The following ABHD12 variants were observed in gnomAD, a reference collection of about 807,000 sequenced individuals.
ABHD12 encodes lysophosphatidylserine lipase ABHD12.
Under a neutral mutation model 58.3 loss-of-function variants are expected in ABHD12, and 43 were observed. The ratio of observed to expected loss-of-function variants is 0.74; its 90% CI spans 0.58 to 0.95. The LOEUF is 0.95. Among genes scored for constraint, ABHD12 ranks in the 40% least tolerant of loss-of-function variants. The probability of loss-of-function intolerance (pLI) is 0.00; values close to 1 mark genes in which losing one functional copy is unlikely to be tolerated. For synonymous variants in ABHD12, 219 were observed against 211.2 expected (o/e 1.04, Z -0.32); for missense variants, 539 against 537.2 (o/e 1.00, Z -0.03).
chr20:25,322,377 A>ATTTTTTTTT (rs1483645613), intron 3 of ABHD12, among the ~76,000 whole-genome samples: 27 of 42,272 alleles, frequency 6.4e-4, no homozygotes, highest in African/African-American at 2.9e-3. Flanking sequence ...ATATATATAT[A>ATTTTTTTTT]TATATTTTTT....
chr20:25,323,316 G>A lies in ABHD12; in HGVS notation c.422+9C>T. The A allele has an allele frequency of 2.5e-6, 4 of 1,590,614 alleles. No homozygotes were observed. The highest frequency in any genetic ancestry group is 3.5e-6 in the Non-Finnish European group (4 of 1,158,634). On this transcript the variant is annotated intron_variant, in intron 3 of 12. Coordinates refer to ENST00000339157, the MANE Select transcript of ABHD12 (RefSeq NM_001042472.3). ...TGCTGGAGGGGCTGCAGAGCTCACT[G>A]GCACTCACCAGACTCCAATGGTCAC...
intron 1 of ABHD12, among the ~76,000 whole-genome samples, chr20:25,379,152 C>A (rs1777619586): frequency 6.6e-6 from 1 of 152,152 alleles, no homozygotes; most frequent in African/African-American, 2.4e-5. Flanking sequence ...TGCAGGGACC[C>A]CGTGCAGGCT....
intron 2 of ABHD12, among the ~76,000 whole-genome samples, chr20:25,337,591 C>T (rs1272278926): frequency 6.6e-6 from 1 of 152,246 alleles, no homozygotes; most frequent in Non-Finnish European, 1.5e-5. Context: ...TACCAGGCCA[C>T]GCAGGGCAAT....
intron 5 of ABHD12, among the ~76,000 whole-genome samples, 178 bp from the exon 6 acceptor site, chr20:25,315,148 A>G (rs1568721751): frequency 6.6e-6 from 1 of 152,318 alleles, no homozygotes; most frequent in Non-Finnish European, 1.5e-5. Context: ...CCAAGATGCC[A>G]ACTGCCACTG....
chr20:25,312,915 C>G (rs1600779154), intron 6 of ABHD12, among the ~76,000 whole-genome samples: 1 of 151,306 alleles, frequency 6.6e-6, no homozygotes, highest in Non-Finnish European at 1.5e-5. Flanking sequence ...GCAGCCGCCC[C>G]ATCTGGGAAG....
At chr20:25,358,746 TC>T (rs1299075405) in intron 1 of ABHD12, among the ~76,000 whole-genome samples, 1 of 152,092 alleles carries the variant, frequency 6.6e-6, no homozygotes, top group Non-Finnish European at 1.5e-5. Flanking sequence ...CTTGTCCATA[TC>T]GGCCACCCCC....
intron 1 of ABHD12, among the ~76,000 whole-genome samples, chr20:25,345,567 A>G (rs1270657458): frequency 6.6e-6 from 1 of 152,248 alleles, no homozygotes; most frequent in Non-Finnish European, 1.5e-5. Flanking sequence ...AGACAGTTAT[A>G]CAAAATATAC....
intron 4 of ABHD12, 91 bp downstream of exon 4, chr20:25,320,108 C>G (rs2089037925): frequency 6.3e-7 from 1 of 1,578,070 alleles, no homozygotes; most frequent in African/African-American, 1.3e-5. Flanking sequence ...GCAGGTTGCT[C>G]CTGCTGGTTT....
At chr20:25,304,301 C>T (rs1159449809) in intron 10 of ABHD12, among the ~76,000 whole-genome samples, 1 of 152,272 alleles carries the variant, frequency 6.6e-6, no homozygotes, top group African/African-American at 2.4e-5. Context: ...AGGAGGCACA[C>T]ACTCTTGCTT....
At chr20:25,354,605 T>A (rs1044395143) in intron 1 of ABHD12, among the ~76,000 whole-genome samples, 1 of 152,188 alleles carries the variant, frequency 6.6e-6, no homozygotes, top group Non-Finnish European at 1.5e-5. Flanking sequence ...TCTTTCCTGA[T>A]GGCCATGATG....
chr20:25,346,929 C>T (rs866181757), intron 1 of ABHD12, among the ~76,000 whole-genome samples: 10 of 152,116 alleles, frequency 6.6e-5, no homozygotes, highest in African/African-American at 1.4e-4. Flanking sequence ...CAGGTGTAAG[C>T]CACTGCGCCC....
intron 1 of ABHD12, among the ~76,000 whole-genome samples, chr20:25,352,968 C>A (rs1018705235): frequency 6.6e-6 from 1 of 152,092 alleles, no homozygotes; most frequent in African/African-American, 2.4e-5. Context: ...GCTATGATCA[C>A]GTCACTGCAC....
intron 1 of ABHD12, among the ~76,000 whole-genome samples, chr20:25,357,088 T>C (rs1360772902): frequency 6.6e-6 from 1 of 151,996 alleles, no homozygotes; most frequent in Non-Finnish European, 1.5e-5. Flanking sequence ...ATGTCTGGGG[T>C]CAATGCCCCC....
chr20:25,314,098 G>A (rs2088915941), intron 6 of ABHD12, among the ~76,000 whole-genome samples: 1 of 151,612 alleles, frequency 6.6e-6, no homozygotes, highest in Non-Finnish European at 1.5e-5. Flanking sequence ...TCAGCCTCTC[G>A]AATAGCTGGG....
At chr20:25,380,114 T>C (rs990654876) in intron 1 of ABHD12, among the ~76,000 whole-genome samples, 3 of 152,212 alleles carry the variant, frequency 2.0e-5, no homozygotes. Flanking sequence ...GTGTTTAATC[T>C]GCCCTTCAGT....
intron 1 of ABHD12, among the ~76,000 whole-genome samples, chr20:25,389,758 G>T (rs958163841): frequency 1.3e-5 from 2 of 152,188 alleles, no homozygotes; most frequent in Non-Finnish European, 2.9e-5. Flanking sequence ...GAACTTGTGC[G>T]GACAGATTTC....
intron 3 of ABHD12, among the ~76,000 whole-genome samples, chr20:25,323,001 G>C (rs1339501442): frequency 2.6e-5 from 4 of 152,222 alleles, no homozygotes; most frequent in Non-Finnish European, 4.4e-5. Flanking sequence ...GGGATTACAG[G>C]TGTGAGCCAC....
At chr20:25,321,251 C>T (rs2089060881) in intron 3 of ABHD12, among the ~76,000 whole-genome samples, 1 of 152,212 alleles carries the variant, frequency 6.6e-6, no homozygotes, top group South Asian at 2.1e-4. Flanking sequence ...TTCCAGTAGC[C>T]AGCCGCCCCA....
intron 1 of ABHD12, among the ~76,000 whole-genome samples, chr20:25,362,296 C>T (rs1001807733): frequency 1.9e-4 from 29 of 151,678 alleles, no homozygotes; most frequent in African/African-American, 6.3e-4. Flanking sequence ...AAGAAAAGGC[C>T]GGGCACAGTG....
Sources: allele counts gnomAD v4.1 joint callset (sites outside exome capture counted in the v4.1 genomes callset), GRCh38; gene constraint gnomAD v4.1.1; transcripts MANE v1.5; gene names NCBI Gene and HGNC (gene_info 2026-07-23, HGNC 2026-07-21).